Variants in LIFR observed in about 807,000 individuals in gnomAD.
LIFR encodes the protein LIF receptor subunit alpha, also known as leukemia inhibitory factor receptor.
In LIFR, 84 loss-of-function variants were observed where a neutral mutation model predicts 122.2. The ratio of observed to expected loss-of-function variants is 0.69; its 90% CI spans 0.58 to 0.82. The LOEUF (loss-of-function observed/expected upper bound fraction) is 0.82. Ranked by LOEUF, LIFR falls within the 40% of genes least tolerant of loss-of-function variation. LIFR has a pLI of 0.00. For missense variants in LIFR, 1,294 were observed against 1,311.6 expected (o/e 0.99, Z 0.21); for synonymous variants, 422 against 434.7 (o/e 0.97, Z 0.36).
chr5:38,497,412 C>T (rs188584208), intron 12 of LIFR, among the ~76,000 whole-genome samples: 2 of 152,312 alleles, frequency 1.3e-5, no homozygotes, highest in Admixed American at 6.5e-5. Flanking sequence ...TAAGAGTACA[C>T]AAAAATTTAA....
At chr5:38,486,685 T>C (rs1267192707) in intron 16 of LIFR, among the ~76,000 whole-genome samples, 5 of 152,142 alleles carry the variant, frequency 3.3e-5, no homozygotes, top group African/African-American at 9.7e-5. Context: ...TCAAGTTTCT[T>C]TGGGTATTTA....
Position 38,528,670 on chromosome 5 carries a change from G to A in LIFR, c.257+56C>T, listed in dbSNP as rs969433513. 4.0e-6 allele frequency: 4 copies of A among 989,356 alleles called. No homozygotes were observed. In the African/African-American group the frequency reaches 6.5e-5, roughly 16 times the overall value. The allele number at this position is 989,356 out of a possible 1,614,324, so 61.3% of individuals were successfully genotyped here. A position where few individuals can be genotyped will look rare whatever the true frequency, so the allele number is the denominator to read the frequency against. On this transcript the variant is annotated intron_variant, in intron 3 of 19. Transcript: ENST00000453190. ...TCACAAGCAATAAGGTAAGAACTGA[G>A]GGTCGTTTCTGCAATTCAACCTAGC...
intron 1 of LIFR, among the ~76,000 whole-genome samples, chr5:38,580,913 G>C (rs1749559916): frequency 6.6e-6 from 1 of 152,002 alleles, no homozygotes; most frequent in Non-Finnish European, 1.5e-5. Context: ...CCACTTTCTA[G>C]GCTTCTGAGA....
chr5:38,543,990 T>C (rs1747733170), intron 1 of LIFR, among the ~76,000 whole-genome samples: 1 of 152,152 alleles, frequency 6.6e-6, no homozygotes, highest in South Asian at 2.1e-4. Flanking sequence ...GCTAATTTAT[T>C]CAAGCAAAAA....
Position 38,475,048 on chromosome 5 carries a change from A to C in LIFR, c.*6547T>G, listed in dbSNP as rs756764764. 2 of 175,718 alleles carry C rather than the reference A, an allele frequency of 1.1e-5. No homozygotes were observed. The highest frequency in any genetic ancestry group is 9.8e-5 in the East Asian group (1 of 10,230). 10.9% of individuals were successfully genotyped at this position (175,718 alleles called of 1,614,324 possible). On this transcript the variant is annotated 3_prime_UTR_variant, in exon 20 of 20. Transcript: ENST00000453190. Reference sequence around the variant, plus strand: ...ACATGCATGTTTTAAAAACAGACATAAGTAACATCTTTAGAGTTAACAGCC... The same window carrying C: ...ACATGCATGTTTTAAAAACAGACATCAGTAACATCTTTAGAGTTAACAGCC...
At chr5:38,485,471 C>T in intron 17 of LIFR, 1 of 324,456 alleles carries the variant, frequency 3.1e-6, no homozygotes, top group South Asian at 3.1e-5. Context: ...AGAATATCTC[C>T]TTCACTTTTC....
intron 9 of LIFR, among the ~76,000 whole-genome samples, chr5:38,505,498 A>C (rs1454011921): frequency 6.6e-6 from 1 of 151,984 alleles, no homozygotes; most frequent in African/African-American, 2.4e-5. Context: ...TCTAGTTAAC[A>C]GTGTTTTAAG....
chr5:38,510,092 A>G (rs1233434802), intron 7 of LIFR, among the ~76,000 whole-genome samples: 1 of 152,244 alleles, frequency 6.6e-6, no homozygotes, highest in Non-Finnish European at 1.5e-5. Context: ...AGATACTTTA[A>G]AAAAGGTATA....
intron 14 of LIFR, 48 bp from the exon 15 acceptor site, chr5:38,490,339 A>G (rs1452267261): frequency 2.4e-6 from 2 of 818,926 alleles, no homozygotes; most frequent in East Asian, 2.5e-5. Context: ...ATTACTATGA[A>G]TATCTATTTT....
In LIFR at chr5:38,476,512, A is replaced by C; in HGVS notation, c.*5083T>G. ...GTCTTAAGGGCAACACATAGGATCT[A>C]TGTTGTTAGCTTTTTTTTTTTTAAA... On this transcript the variant is annotated 3_prime_UTR_variant, in exon 20 of 20. Coordinates refer to ENST00000453190, the MANE Select transcript of LIFR (RefSeq NM_001127671.2). 1 of 201,826 alleles carries C rather than the reference A, an allele frequency of 5.0e-6. No individual in the cohort carries two copies. The highest frequency in any genetic ancestry group is 1.0e-5 in the Non-Finnish European group (1 of 99,544). 12.5% of individuals were successfully genotyped at this position (201,826 alleles called of 1,614,324 possible).
intron 5 of LIFR, among the ~76,000 whole-genome samples, chr5:38,521,866 C>A (rs1305519343): frequency 1.3e-5 from 2 of 152,100 alleles, no homozygotes; most frequent in African/African-American, 2.4e-5. Flanking sequence ...AGAAGAGGTG[C>A]TCAGGTGCTG....
chr5:38,519,885 G>A (rs1746309407), intron 5 of LIFR, among the ~76,000 whole-genome samples: 1 of 152,124 alleles, frequency 6.6e-6, no homozygotes, highest in Admixed American at 6.5e-5. Flanking sequence ...GGACACTTAG[G>A]TTGATTCCAC....
chr5:38,513,321 A>G (rs1745904455), intron 5 of LIFR, among the ~76,000 whole-genome samples: 1 of 152,232 alleles, frequency 6.6e-6, no homozygotes, highest in African/African-American at 2.4e-5. Context: ...CAGAAATGCC[A>G]AAGGGCTCAG....
intron 1 of LIFR, among the ~76,000 whole-genome samples, chr5:38,532,665 T>C (rs1216445610): frequency 6.6e-6 from 1 of 152,222 alleles, no homozygotes; most frequent in Non-Finnish European, 1.5e-5. Flanking sequence ...ACACAGAGAA[T>C]TCTGGGCAAG....
intron 1 of LIFR, among the ~76,000 whole-genome samples, chr5:38,542,883 T>C (rs950080580): frequency 3.3e-5 from 5 of 152,104 alleles, no homozygotes; most frequent in Non-Finnish European, 7.4e-5. Flanking sequence ...CAGGTCGTAA[T>C]GCATATGCTT....
Position 38,482,190 on chromosome 5 carries a change from A to G in LIFR, c.2699T>C (p.Met900Thr). 1 of 1,599,886 alleles carries G rather than the reference A, an allele frequency of 6.3e-7. No individual in the cohort carries two copies. The highest frequency in any genetic ancestry group is 1.1e-5 in the South Asian group (1 of 87,602). The part of the protein sequence containing the change: ...EGSSALKTLE[M>T]NPCTPNNVEV... ...AACATTATTTGGGGTACAAGGATTC[A>G]TTTCCAATGTTTTAAGAGCACTGCT... Residue 900 changes from methionine to threonine, a missense_variant, in exon 20 of 20, where the codon ATG becomes ACG. By Grantham distance (81) the Met-to-Thr change is moderately conservative. Coordinates refer to ENST00000453190, the MANE Select transcript of LIFR (RefSeq NM_001127671.2).
chr5:38,501,994 A>T (rs71588464), intron 11 of LIFR, among the ~76,000 whole-genome samples: 45,357 of 145,502 alleles, frequency 0.31, 7,127 homozygotes, highest in East Asian at 0.53. Flanking sequence ...TTTTTTTTTT[A>T]AAAAAAAGGC....
upstream of LIFR, among the ~76,000 whole-genome samples, chr5:38,559,617 A>G (rs1489388128): frequency 1.3e-5 from 2 of 152,254 alleles, no homozygotes; most frequent in Non-Finnish European, 2.9e-5. Context: ...TGATGCTTAT[A>G]TTGCATAATA....
chr5:38,476,935 T>C lies in LIFR; in HGVS notation c.*4660A>G. On this transcript the variant is annotated 3_prime_UTR_variant, in exon 20 of 20. Coordinates refer to ENST00000453190, the MANE Select transcript of LIFR (RefSeq NM_001127671.2). ...CTAATATAGGGAAAAATAAGCACCATTCATAGCTAAAAATAATAGAATCCT... is the reference window on the plus strand; with the variant it reads ...CTAATATAGGGAAAAATAAGCACCACTCATAGCTAAAAATAATAGAATCCT... The C allele has an allele frequency of 4.6e-6, 1 of 217,888 alleles. No individual in the cohort carries two copies. The highest frequency in any genetic ancestry group is 9.2e-6 in the Non-Finnish European group (1 of 108,370). 13.5% of individuals were successfully genotyped at this position (217,888 alleles called of 1,614,324 possible).
Sources: gnomAD v4.1 joint callset for allele counts (sites outside exome capture counted in the v4.1 genomes callset) on GRCh38, gnomAD v4.1.1 for gene constraint, MANE v1.5 for transcripts, NCBI Gene and HGNC (gene_info 2026-07-23, HGNC 2026-07-21) for gene names.